Variants in SNORC observed in about 807,000 individuals in gnomAD.
SNORC encodes secondary ossification center associated regulator of chondrocyte maturation.
SNORC carries 11 observed loss-of-function variants against 9.7 expected under a neutral mutation model. The ratio of observed to expected loss-of-function variants is 1.14; its 90% CI spans 0.72 to 1.88. SNORC has a LOEUF of 1.88. Ranked by LOEUF, SNORC falls within the 40% of genes most tolerant of loss-of-function variation. SNORC has a pLI of 0.00. For synonymous variants in SNORC, 108 were observed against 88.7 expected, an observed-to-expected ratio of 1.22 and a Z score of -1.22; for missense variants, 197 against 173.1, an observed-to-expected ratio of 1.14 and a Z score of -0.77.
chr2:232,876,246 G>A lies in SNORC; in HGVS notation c.257-1G>A, dbSNP rs965209748. On this transcript the variant is annotated splice_acceptor_variant, in intron 2 of 2. Transcript: ENST00000331342. LOFTEE classifies it high-confidence loss of function. The surrounding 1 kb of genome is among the most constrained non-coding windows in gnomAD (Gnocchi z 6.8). ...GTGACATGGTCCTCCGTCCTCCGCA[G>A]GGTCGCTGGGGCCCGGCGCTATCGC... 2.7e-6 allele frequency: 4 copies of A among 1,503,730 alleles called. No homozygotes were observed. Among genetic ancestry groups the A allele is most frequent in the Admixed American group, 2.3e-5 (1 of 44,362 alleles). 93.1% of individuals were successfully genotyped at this position (1,503,730 alleles called of 1,614,324 possible). A position where few individuals can be genotyped will look rare whatever the true frequency, so the allele number is the denominator to read the frequency against.
downstream of SNORC, chr2:232,876,971 C>G: frequency 1.0e-6 from 1 of 985,582 alleles, no homozygotes; most frequent in Non-Finnish European, 1.2e-6. This position sits in a 1 kb window ranked among gnomAD's most constrained non-coding sequence, Gnocchi z 6.8. Context: ...GGGCCCGCCG[C>G]TCCTTGAGGC....
chr2:232,876,775 G>C (rs1691269250), downstream of SNORC: 1 of 985,168 alleles, frequency 1.0e-6, no homozygotes. The surrounding 1 kb of genome is among the most constrained non-coding windows in gnomAD (Gnocchi z 6.8). Context: ...GCCCGTCCGG[G>C]GGCACCGTCA....
At chr2:232,877,256 G>T, downstream of SNORC, 1 of 985,478 alleles carries the variant, frequency 1.0e-6, no homozygotes, top group Non-Finnish European at 1.2e-6. Context: ...AGAGAAAACG[G>T]CTTTCCCAGC....
chr2:232,875,883 TGACGTCCCTGTCGGCCC>T, intron 1 of SNORC, 40 bp from the exon 2 acceptor site: 1 of 1,492,798 alleles, frequency 6.7e-7, no homozygotes, highest in South Asian at 1.3e-5. Context: ...AGGTGGGGGG[TGACGTCCCTGTCGGCCC>T]CGTCACCTGG....
At chr2:232,875,990 C>T in exon 2 of SNORC, 1 of 1,555,158 alleles carries the variant, frequency 6.4e-7, no homozygotes. Context: ...GCCGGCCGAG[C>T]TGCCGTCGGG....
At chr2:232,868,660 A>G (rs1020776688), upstream of SNORC, among the ~76,000 whole-genome samples, 6 of 152,110 alleles carry the variant, frequency 3.9e-5, no homozygotes, top group Non-Finnish European at 8.8e-5. Context: ...ATCCACCCCA[A>G]CATTCCTTTC....
At chr2:232,875,443 C>A in intron 1 of SNORC, 1 of 382,970 alleles carries the variant, frequency 2.6e-6, no homozygotes. Flanking sequence ...GCCGACCTAC[C>A]ATCCCCATGT....
At chr2:232,875,880 G>A in intron 1 of SNORC, 60 bp from the exon 2 acceptor site, 1 of 1,489,494 alleles carries the variant, frequency 6.7e-7, no homozygotes, top group Non-Finnish European at 9.0e-7. Context: ...TAGAGGTGGG[G>A]GGTGACGTCC....
At chr2:232,869,829 G>A, upstream of SNORC, 1 of 188,718 alleles carries the variant, frequency 5.3e-6, no homozygotes, top group Non-Finnish European at 1.1e-5. Context: ...GAGGTGAGCA[G>A]AGTCCGTCCT....
intron 1 of SNORC, among the ~76,000 whole-genome samples, chr2:232,874,683 C>T (rs1409488140): frequency 6.6e-6 from 1 of 152,218 alleles, no homozygotes; most frequent in Non-Finnish European, 1.5e-5. Flanking sequence ...ATGAGGAGGG[C>T]AAGTGTCTGG....
At chr2:232,871,582 C>T (rs1691026138) in intron 1 of SNORC, among the ~76,000 whole-genome samples, 1 of 152,138 alleles carries the variant, frequency 6.6e-6, no homozygotes, top group Non-Finnish European at 1.5e-5. Context: ...ACAGGGTGGT[C>T]TCAACAGAAC....
Position 232,876,160 on chromosome 2 carries a change from A to G in SNORC, c.256+38A>G. On this transcript the variant is annotated intron_variant, in intron 2 of 2. Coordinates refer to ENST00000331342, the Ensembl canonical transcript of SNORC. The surrounding 1 kb of genome is among the most constrained non-coding windows in gnomAD (Gnocchi z 6.8). The stretch of plus-strand genomic sequence containing the variant: ...CGGGGGAGGGAGGGGAGAGGGAGAA[A>G]TTAGGAGGGGCGGGGGGCGGGGGGC... The G allele has an allele frequency of 5.5e-6, 2 of 366,614 alleles. No individual in the cohort carries two copies. Among genetic ancestry groups the G allele is most frequent in the Non-Finnish European group, 8.8e-6 (2 of 227,088 alleles). The allele number at this position is 366,614 out of a possible 1,614,324, so 22.7% of individuals were successfully genotyped here.
upstream of SNORC, among the ~76,000 whole-genome samples, chr2:232,869,322 A>G (rs760297159): frequency 2.0e-5 from 3 of 152,116 alleles, no homozygotes; most frequent in African/African-American, 4.8e-5. Context: ...GGACTGAAAC[A>G]TAGAGCTCGT....
At chr2:232,870,397 C>T (rs1690983193) in exon 1 of SNORC, 1 of 1,571,180 alleles carries the variant, frequency 6.4e-7, no homozygotes, top group Non-Finnish European at 8.6e-7. Context: ...GGGGTTCTGG[C>T]CCCTGCGGTG....
chr2:232,867,636 T>C (rs1247582790), upstream of SNORC, among the ~76,000 whole-genome samples: 2 of 152,240 alleles, frequency 1.3e-5, no homozygotes, highest in Non-Finnish European at 2.9e-5. Context: ...AGCAGCAGCT[T>C]GCAGCCTTGG....
chr2:232,872,249 A>C (rs1182578952), intron 1 of SNORC, among the ~76,000 whole-genome samples: 2 of 152,104 alleles, frequency 1.3e-5, no homozygotes, highest in African/African-American at 4.8e-5. Context: ...CCCAGGCCCC[A>C]TCTGAGGCAC....
At chr2:232,867,048 C>T (rs1007489455), upstream of SNORC, among the ~76,000 whole-genome samples, 1 of 152,192 alleles carries the variant, frequency 6.6e-6, no homozygotes. Flanking sequence ...CCATCTCGGC[C>T]TCCCAAAGTG....
At chr2:232,873,862 G>A (rs535303529) in intron 1 of SNORC, among the ~76,000 whole-genome samples, 1 of 152,362 alleles carries the variant, frequency 6.6e-6, no homozygotes, top group African/African-American at 2.4e-5. Context: ...GTTTGCGGGA[G>A]GCTAGAGAGA....
chr2:232,876,216 AGCAGGTGACATGGTCCTCCGTCCTCC>A lies in SNORC; in HGVS notation c.257-25_257del. ...GAGAAGGGCCGGCCAGGCGGGGGCT[AGCAGGTGACATGGTCCTCCGTCCTCC>A]GCAGGGTCGCTGGGGCCCGGCGCTA... is the stretch of plus-strand genomic sequence containing the variant. On this transcript the variant is annotated splice_polypyrimidine_tract_variant and splice_region_variant and intron_variant, in intron 2 of 2. Coordinates refer to ENST00000331342, the Ensembl canonical transcript of SNORC. This position sits in a 1 kb window ranked among gnomAD's most constrained non-coding sequence, Gnocchi z 6.8. 2 of 1,486,698 alleles carry A rather than the reference AGCAGGTGACATGGTCCTCCGTCCTCC, an allele frequency of 1.3e-6. No individual in the cohort carries two copies. Among genetic ancestry groups the A allele is most frequent in the Non-Finnish European group, 1.8e-6 (2 of 1,125,156 alleles). The allele number at this position is 1,486,698 out of a possible 1,614,324, so 92.1% of individuals were successfully genotyped here. A position where few individuals can be genotyped will look rare whatever the true frequency, so the allele number is the denominator to read the frequency against.
Sources: allele counts gnomAD v4.1 joint callset (sites outside exome capture counted in the v4.1 genomes callset), GRCh38; gene constraint gnomAD v4.1.1; non-coding constraint Gnocchi (gnomAD v3.1); transcripts MANE v1.5; gene names NCBI Gene and HGNC (gene_info 2026-07-23, HGNC 2026-07-21).